Variants in ANO10 observed in about 807,000 individuals in gnomAD.
The protein encoded by ANO10 is anoctamin 10.
Under a neutral mutation model 74.7 loss-of-function variants are expected in ANO10, and 77 were observed. The observed-to-expected ratio is 1.03, with a 90% CI of 0.86 to 1.25. ANO10 has a LOEUF of 1.25. Ranked by LOEUF, ANO10 falls within the 50% of genes most tolerant of loss-of-function variation. The probability of loss-of-function intolerance (pLI) is 0.00; values close to 1 mark genes in which losing one functional copy is unlikely to be tolerated. For synonymous variants in ANO10, 279 were observed against 284.9 expected, an observed-to-expected ratio of 0.98 and a Z score of 0.21; for missense variants, 721 against 778.1, an observed-to-expected ratio of 0.93 and a Z score of 0.87.
Position 43,577,201 on chromosome 3 carries a change from A to G in ANO10, c.653T>C (p.Phe218Ser). 1 of 1,614,206 alleles carries G rather than the reference A, an allele frequency of 6.2e-7. No homozygotes were observed. Among genetic ancestry groups the G allele is most frequent in the Non-Finnish European group, 8.5e-7 (1 of 1,180,028 alleles). Residue 218 changes from phenylalanine (F) to serine (S), a missense_variant, in exon 6 of 13, where the codon TTC becomes TCC. Coordinates refer to ENST00000292246, the MANE Select transcript of ANO10 (RefSeq NM_018075.5). ...IALYFGFLEY[F>S]TFALIPMAVI... ...AGCCATGGGGATTAATGCAAAAGTG[A>G]AATACTCCAAAAATCCAAAGTACAG...
chr3:43,616,270 A>G (rs941374604), intron 1 of ANO10, among the ~76,000 whole-genome samples: 4 of 152,220 alleles, frequency 2.6e-5, no homozygotes, highest in Non-Finnish European at 5.9e-5. Context: ...CATGTTACTC[A>G]GACCCAAAGT....
chr3:43,528,553 T>C (rs191362326), intron 11 of ANO10, among the ~76,000 whole-genome samples: 96 of 151,752 alleles, frequency 6.3e-4, no homozygotes, highest in African/African-American at 2.3e-3. Flanking sequence ...AGTGATAAAT[T>C]ACAAAATGGC....
At chr3:43,533,305 C>CT (rs1304563572) in intron 11 of ANO10, among the ~76,000 whole-genome samples, 1 of 152,194 alleles carries the variant, frequency 6.6e-6, no homozygotes, top group African/African-American at 2.4e-5. Flanking sequence ...AGCCATGCCC[C>CT]TGCCTCCAAG....
At chr3:43,456,057 G>T (rs941032593) in intron 11 of ANO10, among the ~76,000 whole-genome samples, 26 of 152,128 alleles carry the variant, frequency 1.7e-4, no homozygotes, top group African/African-American at 6.3e-4. Flanking sequence ...TCTTTAAATA[G>T]AAATTGACAT....
chr3:43,609,180 T>C (rs1368453593), intron 1 of ANO10, among the ~76,000 whole-genome samples: 1 of 152,146 alleles, frequency 6.6e-6, no homozygotes, highest in Non-Finnish European at 1.5e-5. Flanking sequence ...AAGCAAGAAG[T>C]TCGTTTCCCA....
intron 12 of ANO10, among the ~76,000 whole-genome samples, chr3:43,430,725 TGA>T (rs1467460271): frequency 7.2e-5 from 11 of 152,116 alleles, no homozygotes; most frequent in Admixed American, 3.3e-4. Flanking sequence ...CTGACAAGAG[TGA>T]GAGTCCCCAT....
intron 12 of ANO10, among the ~76,000 whole-genome samples, chr3:43,398,653 G>A (rs2092424784): frequency 6.6e-6 from 1 of 152,236 alleles, no homozygotes; most frequent in East Asian, 1.9e-4. Flanking sequence ...TGTTTTGGGG[G>A]AGCTTGCCTG....
intron 2 of ANO10, among the ~76,000 whole-genome samples, chr3:43,603,790 C>A (rs2082437777): frequency 6.6e-6 from 1 of 152,174 alleles, no homozygotes; most frequent in Non-Finnish European, 1.5e-5. Context: ...ATTTCTGCAC[C>A]TTTCGTTATT....
intron 12 of ANO10, among the ~76,000 whole-genome samples, chr3:43,379,209 G>T (rs570320199): frequency 2.0e-5 from 3 of 152,166 alleles, no homozygotes; most frequent in African/African-American, 7.2e-5. Flanking sequence ...GATACATACA[G>T]CACTGAACTA....
intron 7 of ANO10, among the ~76,000 whole-genome samples, chr3:43,572,152 T>C (rs548410425): frequency 1.8e-4 from 27 of 152,322 alleles, no homozygotes; most frequent in African/African-American, 5.8e-4. Context: ...GTAGCCCAAG[T>C]AGGCTCATTC....
chr3:43,419,242 G>A (rs1008469513), intron 12 of ANO10, among the ~76,000 whole-genome samples: 2 of 152,188 alleles, frequency 1.3e-5, no homozygotes, highest in South Asian at 2.1e-4. Flanking sequence ...GAAACATAAC[G>A]TCATTTCTAC....
At chr3:43,406,021 A>C (rs933305223) in intron 12 of ANO10, among the ~76,000 whole-genome samples, 2 of 152,236 alleles carry the variant, frequency 1.3e-5, no homozygotes, top group African/African-American at 4.8e-5. Context: ...GGGGAAAAAA[A>C]GGAAAGAAAT....
chr3:43,578,749 C>CAAAAAAAAAAAAAAA (rs56186109), intron 5 of ANO10, among the ~76,000 whole-genome samples: 5 of 64,446 alleles, frequency 7.8e-5, no homozygotes, highest in African/African-American at 9.7e-5. Flanking sequence ...GACTCCATCT[C>CAAAAAAAAAAAAAAA]AAAAAAAAAA....
intron 1 of ANO10, among the ~76,000 whole-genome samples, chr3:43,669,822 G>A (rs2084035491): frequency 6.6e-6 from 1 of 151,994 alleles, no homozygotes; most frequent in African/African-American, 2.4e-5. Flanking sequence ...CACCTCCTGA[G>A]TTCAAGCAGT....
At chr3:43,477,108 C>A (rs1387724525) in intron 11 of ANO10, among the ~76,000 whole-genome samples, 1 of 152,164 alleles carries the variant, frequency 6.6e-6, no homozygotes, top group Non-Finnish European at 1.5e-5. Context: ...CAGTATTCTC[C>A]CTAGAGACAA....
chr3:43,571,574 C>G (rs2149384699), intron 7 of ANO10, among the ~76,000 whole-genome samples: 1 of 151,856 alleles, frequency 6.6e-6, no homozygotes, highest in South Asian at 2.1e-4. Flanking sequence ...TCTCAGTAAA[C>G]TATCGCAAGA....
At chr3:43,575,172 T>C (rs2080936479) in intron 6 of ANO10, among the ~76,000 whole-genome samples, 1 of 151,980 alleles carries the variant, frequency 6.6e-6, no homozygotes, top group Non-Finnish European at 1.5e-5. Context: ...TAAGAAGTAA[T>C]AGTGAAAACT....
rs909664780 is a variant in ANO10 at position 43,388,769 on chromosome 3, T to C, written c.1915-21795A>G. Among the ~76,000 whole-genome samples, 13 of 152,244 alleles carry C rather than the reference T, an allele frequency of 8.5e-5. No homozygotes were observed. The South Asian group carries it at 2.7e-3, about 31-fold the overall frequency. ...ATAAAGGCTAGAACCTAAAATGTTATGGTTCATTCTACACAGCACATTCAG... is the reference window on the plus strand; with the variant it reads ...ATAAAGGCTAGAACCTAAAATGTTACGGTTCATTCTACACAGCACATTCAG... On this transcript the variant is annotated intron_variant, in intron 12 of 12. Transcript: ENST00000292246.
chr3:43,516,976 G>C (rs1253562127), intron 11 of ANO10, among the ~76,000 whole-genome samples: 1 of 152,162 alleles, frequency 6.6e-6, no homozygotes, highest in Non-Finnish European at 1.5e-5. Flanking sequence ...CAGGAAGCCA[G>C]AAGGCCAGGG....
Sources: allele counts gnomAD v4.1 joint callset (sites outside exome capture counted in the v4.1 genomes callset), GRCh38; gene constraint gnomAD v4.1.1; transcripts MANE v1.5; gene names NCBI Gene and HGNC (gene_info 2026-07-23, HGNC 2026-07-21).